C3orf49: variants seen among roughly 807,000 people sequenced by gnomAD.
C3orf49 encodes the protein chromosome 3 open reading frame 49.
C3orf49 carries 27 observed loss-of-function variants against 13.3 expected under a neutral mutation model. The observed-to-expected ratio is 2.02, with a 90% CI of 1.49 to 2.79. C3orf49 has a LOEUF of 2.79. Among genes scored for constraint, C3orf49 ranks in the 30% most tolerant of loss-of-function variants. C3orf49 has a pLI of 0.00. For missense variants in C3orf49, 242 were observed against 134.2 expected (o/e 1.80, Z -3.97); for synonymous variants, 87 against 47.6 (o/e 1.83, Z -3.40).
chr3:63,782,101 A>G, the C3orf49 span, among the ~76,000 whole-genome samples: 2,738 of 152,248 alleles, frequency 0.018, 67 homozygotes, highest in African/African-American at 0.059. Flanking sequence ...ATACGGTTTT[A>G]TAAACTCCTT....
At chr3:63,838,009 G>T in intron 5 of C3orf49, 1 of 1,609,414 alleles carries the variant, frequency 6.2e-7, no homozygotes. Flanking sequence ...TTTGCTTGAA[G>T]AATTTGCTTT....
intron 1 of C3orf49, 62 bp downstream of exon 1, chr3:63,819,658 G>A (rs763835552): frequency 1.4e-6 from 1 of 698,742 alleles, no homozygotes; most frequent in Non-Finnish European, 2.6e-6. Context: ...ATAGTGGCAT[G>A]TCCTTTTAAG....
the C3orf49 span, among the ~76,000 whole-genome samples, chr3:63,808,516 C>T: frequency 2.0e-4 from 31 of 152,128 alleles, no homozygotes; most frequent in African/African-American, 7.2e-4. Flanking sequence ...TCTCTGCTTC[C>T]CTTAATTTCA....
chr3:63,815,753 T>G (rs1439273576), upstream of C3orf49, among the ~76,000 whole-genome samples: 1 of 150,438 alleles, frequency 6.6e-6, no homozygotes, highest in Non-Finnish European at 1.5e-5. Context: ...TTGTTTGTTT[T>G]TTTCTTTTCT....
rs139155587 is a variant in C3orf49, at chr3:63,830,978, A to G, written c.571-132A>G. 4.3e-5 allele frequency: 26 copies of G among 605,060 alleles called. No homozygotes were observed. In the East Asian group the frequency reaches 6.6e-4, roughly 15 times the overall value. The allele number at this position is 605,060 out of a possible 1,614,324, so 37.5% of individuals were successfully genotyped here. The stretch of plus-strand genomic sequence containing the variant: ...GAGAATAATATGAATACAGTCTGCA[A>G]TCCAATATTGTTATGTGGCAAATGT... On this transcript the variant is annotated intron_variant, in intron 3 of 6. Coordinates refer to ENST00000295896, the MANE Select transcript of C3orf49 (RefSeq NM_001355236.2).
chr3:63,837,842 A>G (rs1238385249), intron 5 of C3orf49: 10 of 632,056 alleles, frequency 1.6e-5, no homozygotes, highest in South Asian at 2.7e-5. Flanking sequence ...ATATAGTTTT[A>G]AGGAATTAAA....
chr3:63,827,688 G>C lies in C3orf49; in HGVS notation c.533G>C (p.Arg178Pro). The change falls in exon 3 of 7, where the codon CGG becomes CCG. Residue 178 changes from arginine to proline, a missense_variant. Physicochemically the swap from Arg to Pro is moderately radical, Grantham distance 103. Transcript: ENST00000295896. ...TLLRARRTTKRLSVTSLPSGL... is the reference protein window; with the variant it reads ...TLLRARRTTKPLSVTSLPSGL... ...CTTCGGGCCAGGAGAACCACCAAGC[G>C]GTTATCTGTGACATCTCTTCCTTCA... is the stretch of plus-strand genomic sequence containing the variant. 1 of 702,992 alleles carries C rather than the reference G, an allele frequency of 1.4e-6. No individual in the cohort carries two copies. Among genetic ancestry groups the C allele is most frequent in the Non-Finnish European group, 2.6e-6 (1 of 384,998 alleles). The allele number at this position is 702,992 out of a possible 1,614,324, so 43.5% of individuals were successfully genotyped here. A position where few individuals can be genotyped will look rare whatever the true frequency, so the allele number is the denominator to read the frequency against.
chr3:63,831,878 C>G, intron 5 of C3orf49, 34 bp downstream of exon 5: 1 of 689,320 alleles, frequency 1.5e-6, no homozygotes, highest in Non-Finnish European at 2.6e-6. Flanking sequence ...CTGCTTCTGA[C>G]TTTGTTCCTG....
the C3orf49 span, among the ~76,000 whole-genome samples, chr3:63,797,722 A>G: frequency 4.6e-5 from 7 of 152,130 alleles, no homozygotes; most frequent in African/African-American, 1.7e-4. Flanking sequence ...GGCGTCCAAG[A>G]AAAGTTTTGA....
At chr3:63,816,345 C>T (rs938909512), upstream of C3orf49, among the ~76,000 whole-genome samples, 1 of 151,996 alleles carries the variant, frequency 6.6e-6, no homozygotes, top group Non-Finnish European at 1.5e-5. Context: ...AATCCCAGCA[C>T]TTTGGGAGGC....
chr3:63,805,207 A>G, the C3orf49 span: 1 of 152,224 alleles, frequency 6.6e-6, no homozygotes, highest in Admixed American at 6.5e-5. Flanking sequence ...GGCATTCTCA[A>G]TTACAAAATT....
At chr3:63,837,199 A>G (rs1437165648) in intron 5 of C3orf49, among the ~76,000 whole-genome samples, 1 of 152,022 alleles carries the variant, frequency 6.6e-6, no homozygotes, top group Non-Finnish European at 1.5e-5. Context: ...TACATGCCCT[A>G]TGTAAAACAA....
At chr3:63,820,974 T>C (rs941946249) in intron 1 of C3orf49, among the ~76,000 whole-genome samples, 1 of 152,206 alleles carries the variant, frequency 6.6e-6, no homozygotes. Context: ...TAATGGATTT[T>C]CCCCATAAGT....
chr3:63,817,192 C>G (rs1701333963), upstream of C3orf49, among the ~76,000 whole-genome samples: 1 of 152,094 alleles, frequency 6.6e-6, no homozygotes, highest in African/African-American at 2.4e-5. Flanking sequence ...CCCCGTTCAG[C>G]ATTCAGGACC....
intron 5 of C3orf49, among the ~76,000 whole-genome samples, chr3:63,839,991 C>T (rs1330304028): frequency 6.6e-6 from 1 of 151,872 alleles, no homozygotes; most frequent in Non-Finnish European, 1.5e-5. Context: ...TATTTATATA[C>T]TAAAGAAAAA....
At chr3:63,780,260 G>A in the C3orf49 span, among the ~76,000 whole-genome samples, 7 of 152,022 alleles carry the variant, frequency 4.6e-5, no homozygotes, top group African/African-American at 9.7e-5. Flanking sequence ...TTGTCCTTGC[G>A]ATAGTTTGCT....
chr3:63,825,310 GAA>G (rs538574468), intron 2 of C3orf49, among the ~76,000 whole-genome samples: 1 of 142,334 alleles, frequency 7.0e-6, no homozygotes, highest in African/African-American at 2.6e-5. Flanking sequence ...CTTTTTCCAG[GAA>G]AAAAAAAACA....
intron 1 of C3orf49, among the ~76,000 whole-genome samples, chr3:63,821,054 G>A (rs895596653): frequency 6.6e-6 from 1 of 152,114 alleles, no homozygotes; most frequent in Non-Finnish European, 1.5e-5. Flanking sequence ...GCTTTTTAAG[G>A]TTCCAAACAC....
At chr3:63,788,652 G>A in the C3orf49 span, among the ~76,000 whole-genome samples, 3 of 151,442 alleles carry the variant, frequency 2.0e-5, no homozygotes, top group Non-Finnish European at 4.4e-5. Context: ...AGACACAGTC[G>A]TTCTTTCTTT....
Sources: gnomAD v4.1 joint callset for allele counts (sites outside exome capture counted in the v4.1 genomes callset) on GRCh38, gnomAD v4.1.1 for gene constraint, MANE v1.5 for transcripts, NCBI Gene and HGNC (gene_info 2026-07-23, HGNC 2026-07-21) for gene names.